CDH13: variants seen among roughly 807,000 people sequenced by gnomAD.
The protein encoded by CDH13 is cadherin 13, also known as cadherin-13.
A neutral mutation model predicts 63.8 loss-of-function variants in CDH13; 24 were observed. The ratio of observed to expected loss-of-function variants is 0.38; its 90% CI spans 0.27 to 0.53. The LOEUF (loss-of-function observed/expected upper bound fraction) is 0.53, where lower values mean the gene tolerates loss of function less well. CDH13 is among the 20% of genes least tolerant of loss of function. The pLI is 0.85. For missense variants in CDH13, 1,049 were observed against 903.1 expected, an observed-to-expected ratio of 1.16 and a Z score of -2.07; for synonymous variants, 503 against 355.3, an observed-to-expected ratio of 1.42 and a Z score of -4.67.
chr16:82,685,063 A>T (rs931049297), intron 1 of CDH13, among the ~76,000 whole-genome samples: 1 of 151,596 alleles, frequency 6.6e-6, no homozygotes, highest in Non-Finnish European at 1.5e-5. Context: ...AACCTGCAAT[A>T]ACTCAGTGCG....
intron 3 of CDH13, among the ~76,000 whole-genome samples, chr16:83,050,773 T>A (rs966825624): frequency 6.6e-6 from 1 of 152,152 alleles, no homozygotes; most frequent in Non-Finnish European, 1.5e-5. Flanking sequence ...TGGGGTTAAC[T>A]GTGTGAGTCT....
At chr16:83,243,541 G>A (rs1046785388) in intron 5 of CDH13, among the ~76,000 whole-genome samples, 2 of 152,136 alleles carry the variant, frequency 1.3e-5, no homozygotes, top group African/African-American at 4.8e-5. Context: ...TTTGGGTGGG[G>A]ACACAGCCAA....
intron 11 of CDH13, among the ~76,000 whole-genome samples, chr16:83,775,559 A>C (rs1330438976): frequency 2.0e-5 from 3 of 152,064 alleles, no homozygotes; most frequent in African/African-American, 7.2e-5. Context: ...GGAGCTGCAA[A>C]GAGGGAGTCC....
intron 5 of CDH13, among the ~76,000 whole-genome samples, chr16:83,279,855 C>CTTTT (rs1567560271): frequency 4.1e-5 from 6 of 145,258 alleles, no homozygotes; most frequent in Non-Finnish European, 6.0e-5. Flanking sequence ...TTTTTTTTTG[C>CTTTT]TTTTCCAGTA....
intron 9 of CDH13, among the ~76,000 whole-genome samples, chr16:83,671,231 T>C (rs746735754): frequency 6.6e-6 from 1 of 152,190 alleles, no homozygotes; most frequent in Non-Finnish European, 1.5e-5. Context: ...AAACCAAACT[T>C]AAGTGCATTT....
chr16:82,828,996 A>T (rs2038395609), intron 1 of CDH13, among the ~76,000 whole-genome samples: 1 of 152,124 alleles, frequency 6.6e-6, no homozygotes, highest in African/African-American at 2.4e-5. Flanking sequence ...AAGATTAGAT[A>T]CCTTAGGCTA....
At chr16:83,265,639 A>G (rs144574687) in intron 5 of CDH13, among the ~76,000 whole-genome samples, 1 of 150,828 alleles carries the variant, frequency 6.6e-6, no homozygotes, top group African/African-American at 2.4e-5. Flanking sequence ...TTGTGAATAC[A>G]GTATCCCCTC....
At chr16:82,691,997 A>G (rs533739904) in intron 1 of CDH13, among the ~76,000 whole-genome samples, 18 of 152,362 alleles carry the variant, frequency 1.2e-4, no homozygotes, top group South Asian at 4.1e-4. Flanking sequence ...AAGCATGTCT[A>G]TCTTCCCTTC....
At chr16:82,840,527 A>G (rs1367316604) in intron 1 of CDH13, among the ~76,000 whole-genome samples, 1 of 151,824 alleles carries the variant, frequency 6.6e-6, no homozygotes, top group East Asian at 1.9e-4. Context: ...TACTAAAAAC[A>G]CGAAAGAAAC....
rs191045304 is a variant in CDH13 at position 83,633,721 on chromosome 16, A to G, written c.1101+31127A>G. On this transcript the variant is annotated intron_variant, in intron 8 of 13. Transcript: ENST00000567109. The stretch of plus-strand genomic sequence containing the variant: ...GCACTTTCTCTCGTTTTTGTTTCCA[A>G]AATCACTATTTATTGCCCTTCAAAA... 2.4e-3 allele frequency among the ~76,000 whole-genome samples: 364 copies of G among 152,226 alleles called. 2 individuals carry two copies. The highest frequency in any genetic ancestry group is 3.2e-3 in the Non-Finnish European group (220 of 68,012).
At position 82,800,974 on chromosome 16, in the gene CDH13, T is replaced by C. The variant is rs116251632; in HGVS notation, c.46-57388T>C. Reference sequence around the variant, plus strand: ...ACTAAACAAGGAGAAAAAAAGGGAATAGGAGTTCTTGAAACTCAAAAGCAG... The same window carrying C: ...ACTAAACAAGGAGAAAAAAAGGGAACAGGAGTTCTTGAAACTCAAAAGCAG... On this transcript the variant is annotated intron_variant, in intron 1 of 13. Coordinates refer to ENST00000567109, the MANE Select transcript of CDH13 (RefSeq NM_001257.5). Among the ~76,000 whole-genome samples the C allele has an allele frequency of 6.3e-3, 967 of 152,342 alleles. 6 individuals carry two copies. Among genetic ancestry groups the C allele is most frequent in the African/African-American group, 0.017 (689 of 41,578 alleles).
intron 3 of CDH13, among the ~76,000 whole-genome samples, chr16:83,065,777 G>T (rs574030284): frequency 6.6e-6 from 1 of 151,608 alleles, no homozygotes; most frequent in Non-Finnish European, 1.5e-5. Flanking sequence ...CTTTGGATGT[G>T]TTGCTGTTTC....
chr16:83,323,417 A>G (rs563584052), intron 5 of CDH13, among the ~76,000 whole-genome samples: 2 of 151,310 alleles, frequency 1.3e-5, no homozygotes, highest in African/African-American at 4.9e-5. Context: ...ATTAGCTGGG[A>G]TTACAGGTGC....
At chr16:82,968,479 C>A (rs141655587) in intron 2 of CDH13, among the ~76,000 whole-genome samples, 21 of 152,338 alleles carry the variant, frequency 1.4e-4, no homozygotes, top group African/African-American at 5.0e-4. Context: ...GAAGCATACT[C>A]ATGGCCCTGC....
chr16:83,467,582 A>G (rs557243017), intron 6 of CDH13, among the ~76,000 whole-genome samples: 35 of 152,190 alleles, frequency 2.3e-4, no homozygotes, highest in Non-Finnish European at 4.4e-4. Flanking sequence ...GTCTTCCTCC[A>G]CGGAGTTGGT....
At chr16:83,579,344 A>G (rs927243499) in intron 7 of CDH13, among the ~76,000 whole-genome samples, 2 of 152,194 alleles carry the variant, frequency 1.3e-5, no homozygotes, top group African/African-American at 4.8e-5. Flanking sequence ...ATATAAAGAA[A>G]AGAGGTTTAA....
At chr16:83,559,024 C>T (rs9939528) in intron 7 of CDH13, among the ~76,000 whole-genome samples, 51,274 of 151,948 alleles carry the variant, frequency 0.34, 9,525 homozygotes, top group East Asian at 0.43. Flanking sequence ...CATGCTGGAG[C>T]CCTCTCCAGG....
chr16:83,531,983 C>T (rs1243483943), intron 7 of CDH13, among the ~76,000 whole-genome samples: 1 of 152,146 alleles, frequency 6.6e-6, no homozygotes, highest in South Asian at 2.1e-4. Flanking sequence ...TTATGGGAGG[C>T]ACCCGGTGGG....
chr16:83,647,865 C>T (rs753994915), intron 8 of CDH13, among the ~76,000 whole-genome samples: 94 of 152,182 alleles, frequency 6.2e-4, no homozygotes, highest in Non-Finnish European at 1.1e-3. Flanking sequence ...AAGTTGATAG[C>T]CACGATCCCC....
Sources: allele counts gnomAD v4.1 joint callset (sites outside exome capture counted in the v4.1 genomes callset), GRCh38; gene constraint gnomAD v4.1.1; transcripts MANE v1.5; gene names NCBI Gene and HGNC (gene_info 2026-07-23, HGNC 2026-07-21).